Variants in ASXL3 observed in about 807,000 individuals in gnomAD.
The protein encoded by ASXL3 is putative Polycomb group protein ASXL3.
A neutral mutation model predicts 170.6 loss-of-function variants in ASXL3; 34 were observed. The observed-to-expected ratio is 0.20, with a 90% CI of 0.15 to 0.27. The LOEUF (loss-of-function observed/expected upper bound fraction) is 0.27, where lower values mean the gene tolerates loss of function less well. Ranked by LOEUF, ASXL3 falls within the 10% of genes least tolerant of loss-of-function variation. The pLI, the probability that ASXL3 is intolerant of heterozygous loss-of-function variation, is 1.00. For synonymous variants in ASXL3, 1,002 were observed against 989.1 expected (o/e 1.01, Z -0.24); for missense variants, 2,592 against 2,695.3 (o/e 0.96, Z 0.85).
At chr18:33,687,748 T>C (rs912138509) in intron 8 of ASXL3, among the ~76,000 whole-genome samples, 5 of 152,314 alleles carry the variant, frequency 3.3e-5, no homozygotes, top group African/African-American at 4.8e-5. Context: ...AATTTACCCT[T>C]AGTTGTTTCA....
chr18:33,705,364 GT>G (rs1189126899), intron 8 of ASXL3, among the ~76,000 whole-genome samples: 73 of 139,728 alleles, frequency 5.2e-4, no homozygotes, highest in Non-Finnish European at 5.5e-4. Flanking sequence ...TGTGTTTTTT[GT>G]TTTTTTTTTT....
intron 9 of ASXL3, among the ~76,000 whole-genome samples, chr18:33,732,446 C>T (rs2067467151): frequency 6.6e-6 from 1 of 152,134 alleles, no homozygotes; most frequent in Non-Finnish European, 1.5e-5. Flanking sequence ...CTTTAATCAC[C>T]AAGTTTCTTG....
chr18:33,585,195 T>C (rs1322810156), intron 1 of ASXL3, among the ~76,000 whole-genome samples: 2 of 151,908 alleles, frequency 1.3e-5, no homozygotes, highest in African/African-American at 4.8e-5. Context: ...TTAAAGCTCA[T>C]CAGTGGCAGA....
At chr18:33,661,771 G>T (rs901288195) in intron 5 of ASXL3, 34 bp downstream of exon 5, 2 of 1,600,696 alleles carry the variant, frequency 1.2e-6, no homozygotes, top group African/African-American at 2.7e-5. Flanking sequence ...TTGTCCTTCA[G>T]TTCTGCATAC....
At chr18:33,668,427 C>CAAA (rs11288492) in intron 5 of ASXL3, among the ~76,000 whole-genome samples, 18 of 115,940 alleles carry the variant, frequency 1.6e-4, no homozygotes, top group African/African-American at 5.5e-4. Flanking sequence ...GACTCCATCT[C>CAAA]AAAAAAAAAA....
At chr18:33,645,204 G>A (rs982787902) in intron 3 of ASXL3, among the ~76,000 whole-genome samples, 3 of 151,898 alleles carry the variant, frequency 2.0e-5, no homozygotes, top group African/African-American at 4.8e-5. Context: ...GTTTCACTCC[G>A]TGACATATGG....
At chr18:33,686,096 G>C (rs2066592864) in intron 8 of ASXL3, among the ~76,000 whole-genome samples, 1 of 152,196 alleles carries the variant, frequency 6.6e-6, no homozygotes, top group Admixed American at 6.5e-5. Flanking sequence ...AGCAGTTTGT[G>C]TTACTCAGTT....
intron 4 of ASXL3, 60 bp downstream of exon 4, chr18:33,646,413 C>A: frequency 2.5e-6 from 3 of 1,196,856 alleles, no homozygotes; most frequent in Non-Finnish European, 3.6e-6. Flanking sequence ...TATAGAATGC[C>A]AATGATTCAT....
At position 33,743,872 on chromosome 18, in the gene ASXL3, C is replaced by T. The variant is rs772933176; in HGVS notation, c.4024C>T (p.Pro1342Ser). 2 of 1,614,000 alleles carry T rather than the reference C, an allele frequency of 1.2e-6. No homozygotes were observed. The highest frequency in any genetic ancestry group is 2.2e-5 in the East Asian group (1 of 44,860). ...NLVSTQYTSV[P>S]TPSIGNNLPN... ...AGTCTCCACTCAGTACACCTCTGTG[C>T]CAACTCCCTCCATCGGAAACAATTT... The change falls in exon 12 of 12, where the codon CCA becomes TCA. Residue 1342 changes from proline (P) to serine (S), a missense_variant. By Grantham distance (74) the Pro-to-Ser change is moderately conservative (BLOSUM62 -1). Coordinates refer to ENST00000269197, the MANE Select transcript of ASXL3 (RefSeq NM_030632.3).
chr18:33,720,974 C>T (rs1252196720), intron 8 of ASXL3, among the ~76,000 whole-genome samples: 1 of 151,532 alleles, frequency 6.6e-6, no homozygotes, highest in Admixed American at 6.6e-5. Context: ...AACTGAATAC[C>T]TGAAACCTTT....
At chr18:33,653,809 TA>T (rs749418227) in intron 4 of ASXL3, among the ~76,000 whole-genome samples, 107 of 152,160 alleles carry the variant, frequency 7.0e-4, no homozygotes, top group Non-Finnish European at 1.4e-3. Context: ...TTATAGAGAA[TA>T]TTTTTTTCTT....
At chr18:33,711,958 G>A (rs534942883) in intron 8 of ASXL3, among the ~76,000 whole-genome samples, 29 of 152,184 alleles carry the variant, frequency 1.9e-4, no homozygotes, top group Admixed American at 3.9e-4. Context: ...TTTCTTAAAT[G>A]TTCATGCTAT....
chr18:33,642,945 G>A (rs1335432426), intron 2 of ASXL3, among the ~76,000 whole-genome samples: 1 of 151,788 alleles, frequency 6.6e-6, no homozygotes, highest in Non-Finnish European at 1.5e-5. Flanking sequence ...ATGTGCATTA[G>A]GGCCTTAGGA....
chr18:33,700,183 A>C (rs2066847117), intron 8 of ASXL3, among the ~76,000 whole-genome samples: 1 of 152,076 alleles, frequency 6.6e-6, no homozygotes, highest in Non-Finnish European at 1.5e-5. Context: ...TAATATGTTT[A>C]GAGATCAAAG....
intron 2 of ASXL3, among the ~76,000 whole-genome samples, chr18:33,642,138 A>T (rs962462492): frequency 6.6e-6 from 1 of 151,836 alleles, no homozygotes; most frequent in Non-Finnish European, 1.5e-5. Context: ...TGCCAATTCT[A>T]TTTTTTCTGA....
intron 2 of ASXL3, among the ~76,000 whole-genome samples, chr18:33,634,444 A>G (rs1568293426): frequency 2.0e-5 from 3 of 151,904 alleles, no homozygotes; most frequent in Non-Finnish European, 1.5e-5. Context: ...TTCAGAATTT[A>G]TACTTTTATT....
chr18:33,731,925 T>G, intron 8 of ASXL3, 43 bp from the exon 9 acceptor site: 1 of 1,556,316 alleles, frequency 6.4e-7, no homozygotes, highest in Non-Finnish European at 8.8e-7. Context: ...TTGCTTTGAC[T>G]TATTCCTGAT....
At chr18:33,684,197 T>G (rs2066556465) in intron 8 of ASXL3, among the ~76,000 whole-genome samples, 1 of 152,164 alleles carries the variant, frequency 6.6e-6, no homozygotes. Context: ...GGAAAAAAAT[T>G]TTATCACATA....
At chr18:33,644,784 T>A (rs867275220) in intron 2 of ASXL3, 110 bp from the exon 3 acceptor site, 89 of 609,928 alleles carry the variant, frequency 1.5e-4, no homozygotes, top group Middle Eastern at 7.6e-4. Flanking sequence ...GGTCTTTTTT[T>A]AATTATTTTT....
Sources: allele counts gnomAD v4.1 joint callset (sites outside exome capture counted in the v4.1 genomes callset), GRCh38; gene constraint gnomAD v4.1.1; transcripts MANE v1.5; gene names NCBI Gene and HGNC (gene_info 2026-07-23, HGNC 2026-07-21).